STXBP5L: variants seen among roughly 807,000 people sequenced by gnomAD.
The protein encoded by STXBP5L is syntaxin binding protein 5L.
In STXBP5L, 65 loss-of-function variants were observed where a neutral mutation model predicts 144.5. That is an observed-to-expected ratio of 0.45 (90% CI 0.37 to 0.55). The LOEUF is 0.55. STXBP5L is among the 20% of genes least tolerant of loss of function. The probability of loss-of-function intolerance (pLI) is 0.00; values close to 1 mark genes in which losing one functional copy is unlikely to be tolerated. For missense variants in STXBP5L, 1,298 were observed against 1,405.5 expected (o/e 0.92, Z 1.22); for synonymous variants, 505 against 469.6 (o/e 1.08, Z -0.97).
intron 20 of STXBP5L, among the ~76,000 whole-genome samples, chr3:121,349,360 G>A (rs1028991454): frequency 1.3e-5 from 2 of 151,862 alleles, no homozygotes; most frequent in African/African-American, 4.8e-5. Context: ...CATTTGCTGA[G>A]GAGTGCTTTA....
intron 5 of STXBP5L, among the ~76,000 whole-genome samples, chr3:121,081,363 T>C (rs1200558369): frequency 1.3e-5 from 2 of 152,220 alleles, no homozygotes; most frequent in Non-Finnish European, 2.9e-5. Flanking sequence ...TGGATTGTGG[T>C]GTTTTTTAAA....
At chr3:121,101,332 A>C (rs937656163) in intron 5 of STXBP5L, among the ~76,000 whole-genome samples, 2 of 151,758 alleles carry the variant, frequency 1.3e-5, no homozygotes, top group African/African-American at 4.8e-5. Flanking sequence ...ACGTAGATGC[A>C]AAAATCCTCA....
chr3:121,142,546 C>T (rs1285238974), intron 7 of STXBP5L, among the ~76,000 whole-genome samples: 2 of 151,948 alleles, frequency 1.3e-5, no homozygotes, highest in East Asian at 1.9e-4. Context: ...TGAAATGATA[C>T]CAAGTATCCT....
intron 2 of STXBP5L, among the ~76,000 whole-genome samples, chr3:120,954,244 G>A (rs1576477585): frequency 6.6e-6 from 1 of 152,174 alleles, no homozygotes; most frequent in East Asian, 1.9e-4. Flanking sequence ...TAATTTATAT[G>A]CAGAGAAATC....
At chr3:121,317,449 A>G (rs1233141993) in intron 19 of STXBP5L, among the ~76,000 whole-genome samples, 1 of 152,204 alleles carries the variant, frequency 6.6e-6, no homozygotes, top group African/African-American at 2.4e-5. Context: ...TGGTTCCAAA[A>G]TTCTGTGATT....
At chr3:120,976,729 T>C (rs1475904955) in intron 3 of STXBP5L, among the ~76,000 whole-genome samples, 3 of 152,196 alleles carry the variant, frequency 2.0e-5, no homozygotes, top group Non-Finnish European at 4.4e-5. Context: ...TGTCCCAGTG[T>C]TTCTGGTATG....
intron 5 of STXBP5L, among the ~76,000 whole-genome samples, chr3:121,059,130 A>G (rs1307622212): frequency 1.3e-5 from 2 of 152,242 alleles, no homozygotes; most frequent in East Asian, 3.8e-4. Flanking sequence ...TCTTCAATCC[A>G]TCTTGAGTTA....
chr3:121,143,952 A>G (rs2107951796), intron 7 of STXBP5L, among the ~76,000 whole-genome samples: 1 of 151,942 alleles, frequency 6.6e-6, no homozygotes, highest in East Asian at 1.9e-4. Flanking sequence ...CTTAACACTG[A>G]AAGTAACTAC....
At chr3:121,006,857 T>C (rs1192395610) in intron 3 of STXBP5L, among the ~76,000 whole-genome samples, 2 of 152,166 alleles carry the variant, frequency 1.3e-5, no homozygotes, top group Non-Finnish European at 2.9e-5. Context: ...TTATTTTCTT[T>C]AAGAATGTTG....
At chr3:120,987,339 A>G (rs1350884582) in intron 3 of STXBP5L, among the ~76,000 whole-genome samples, 4 of 151,988 alleles carry the variant, frequency 2.6e-5, no homozygotes, top group African/African-American at 7.2e-5. Context: ...AGTAAGAACT[A>G]ATTGTGGTAC....
intron 10 of STXBP5L, among the ~76,000 whole-genome samples, chr3:121,216,018 C>T (rs1026478584): frequency 6.6e-6 from 1 of 152,098 alleles, no homozygotes; most frequent in Non-Finnish European, 1.5e-5. Flanking sequence ...GTGTATGCTT[C>T]ATGTGCTATG....
intron 2 of STXBP5L, among the ~76,000 whole-genome samples, chr3:120,914,189 A>G (rs1234850543): frequency 1.3e-5 from 2 of 152,054 alleles, no homozygotes; most frequent in Non-Finnish European, 2.9e-5. Flanking sequence ...AGTGACAAAC[A>G]CACAGGGTGT....
At chr3:120,991,914 A>C (rs1024661484) in intron 3 of STXBP5L, among the ~76,000 whole-genome samples, 1 of 152,200 alleles carries the variant, frequency 6.6e-6, no homozygotes, top group Non-Finnish European at 1.5e-5. Flanking sequence ...ATACATATGT[A>C]ACTAACATGC....
At position 121,368,854 on chromosome 3, in the gene STXBP5L, G is replaced by A. The variant is rs111765572; in HGVS notation, c.2177-9862G>A. Among the ~76,000 whole-genome samples, 507 of 152,242 alleles carry A rather than the reference G, an allele frequency of 3.3e-3. 3 individuals are homozygous for A. The highest frequency in any genetic ancestry group is 5.9e-3 in the Non-Finnish European group (398 of 68,006). ...TCTGGCTCTCGAAAGAAGAAAAAGA[G>A]AAAAATGAAGGAGTTAATGGAGTGG... On this transcript the variant is annotated intron_variant, in intron 20 of 26. Coordinates refer to ENST00000471454, the MANE Select transcript of STXBP5L (RefSeq NM_001308330.2).
chr3:120,995,657 C>G (rs893666594), intron 3 of STXBP5L, among the ~76,000 whole-genome samples: 12 of 152,034 alleles, frequency 7.9e-5, no homozygotes, highest in Non-Finnish European at 1.8e-4. Context: ...CTTAGTGAGG[C>G]ATGGAAACCT....
chr3:120,979,547 G>T (rs1339422782), intron 3 of STXBP5L, among the ~76,000 whole-genome samples: 1 of 152,048 alleles, frequency 6.6e-6, no homozygotes, highest in Non-Finnish European at 1.5e-5. Flanking sequence ...ACAGTGCACT[G>T]CACCCACTGT....
rs191828051 is a variant in STXBP5L, at chr3:121,245,651, C to T, written c.1401-5072C>T. Among the ~76,000 whole-genome samples the T allele has an allele frequency of 2.0e-3, 304 of 152,078 alleles. 1 individual carries two copies. The highest frequency in any genetic ancestry group is 7.0e-3 in the African/African-American group (292 of 41,508). On this transcript the variant is annotated intron_variant, in intron 14 of 26. Transcript: ENST00000471454. Reference sequence around the variant, plus strand: ...TAACCAAAAGAAAATGAGATGAATACATTTATATTGGACTTTAAGTCAATA... The same window carrying T: ...TAACCAAAAGAAAATGAGATGAATATATTTATATTGGACTTTAAGTCAATA...
At chr3:121,059,046 C>T (rs1948642847) in intron 5 of STXBP5L, among the ~76,000 whole-genome samples, 1 of 152,074 alleles carries the variant, frequency 6.6e-6, no homozygotes, top group Non-Finnish European at 1.5e-5. Context: ...AAGTCTTTGC[C>T]CATGCCTATG....
chr3:121,036,470 A>G (rs745786655), intron 3 of STXBP5L, among the ~76,000 whole-genome samples: 71 of 151,846 alleles, frequency 4.7e-4, no homozygotes, highest in Non-Finnish European at 6.8e-4. Flanking sequence ...CATGCTTTTT[A>G]TTTTTCTCAC....
Sources: allele counts gnomAD v4.1 joint callset (sites outside exome capture counted in the v4.1 genomes callset), GRCh38; gene constraint gnomAD v4.1.1; transcripts MANE v1.5; gene names NCBI Gene and HGNC (gene_info 2026-07-23, HGNC 2026-07-21).